Variants in SPOCK1 observed in about 807,000 individuals in gnomAD.
SPOCK1 encodes SPARC (osteonectin), cwcv and kazal like domains proteoglycan 1.
Under a neutral mutation model 55.3 loss-of-function variants are expected in SPOCK1, and 23 were observed. The observed-to-expected ratio is 0.42, with a 90% CI of 0.30 to 0.59. The LOEUF (loss-of-function observed/expected upper bound fraction) is 0.59, where lower values mean the gene tolerates loss of function less well. Ranked by LOEUF, SPOCK1 falls within the 20% of genes least tolerant of loss-of-function variation. The probability of loss-of-function intolerance (pLI) is 0.22; values close to 1 mark genes in which losing one functional copy is unlikely to be tolerated. For synonymous variants in SPOCK1, 226 were observed against 221.0 expected (o/e 1.02, Z -0.20); for missense variants, 499 against 552.5 (o/e 0.90, Z 0.97).
intron 2 of SPOCK1, among the ~76,000 whole-genome samples, chr5:137,317,763 AAG>A (rs1201373217): frequency 6.6e-6 from 1 of 152,194 alleles, no homozygotes; most frequent in African/African-American, 2.4e-5. Flanking sequence ...TTCATGACAA[AAG>A]AGAGAATTCA....
At chr5:137,279,880 T>C (rs1037919183) in intron 2 of SPOCK1, among the ~76,000 whole-genome samples, 12 of 152,076 alleles carry the variant, frequency 7.9e-5, no homozygotes, top group Non-Finnish European at 1.6e-4. Flanking sequence ...TGAAGCATAA[T>C]TAAAACCAAC....
intron 2 of SPOCK1, among the ~76,000 whole-genome samples, chr5:137,345,040 AC>A (rs764202477): frequency 2.0e-5 from 3 of 152,236 alleles, no homozygotes; most frequent in Non-Finnish European, 4.4e-5. Context: ...GTAAGTAGAA[AC>A]ATGGACTAAA....
intron 2 of SPOCK1, among the ~76,000 whole-genome samples, chr5:137,329,916 CCTGT>C (rs980286507): frequency 6.6e-6 from 1 of 152,074 alleles, no homozygotes; most frequent in Non-Finnish European, 1.5e-5. Context: ...CTTTGTAGTT[CCTGT>C]CTCTCATTTA....
chr5:137,140,616 G>C lies in SPOCK1; in HGVS notation c.311C>G (p.Thr104Ser), dbSNP rs1023685389. ...GTGCTTGCGGCTGACACACAGGGCG[G>C]TCTGGTAGTCCTGGGTCACACACAC... ...HKVCVTQDYQTALCVSRKHLL... is the reference protein window; with the variant it reads ...HKVCVTQDYQSALCVSRKHLL... The change falls in exon 4 of 11, where the codon ACC becomes AGC. Residue 104 changes from threonine (T) to serine (S), a missense_variant. This residue lies in a region of SPOCK1 where 386 missense variants were observed against 400.6 expected (regional missense o/e 0.96). Transcript: ENST00000394945. The C allele has an allele frequency of 6.2e-7, 1 of 1,613,834 alleles. No individual in the cohort carries two copies. The highest frequency in any genetic ancestry group is 1.3e-5 in the African/African-American group (1 of 74,902).
intron 3 of SPOCK1, among the ~76,000 whole-genome samples, chr5:137,259,374 C>G (rs570183259): frequency 6.6e-6 from 1 of 152,228 alleles, no homozygotes; most frequent in East Asian, 1.9e-4. Context: ...TCATTCTCAG[C>G]AAACTAACAC....
rs147786198 is a variant in SPOCK1, at chr5:137,233,660, A to G, written c.232+33350T>C. Among the ~76,000 whole-genome samples the G allele has an allele frequency of 3.4e-3, 513 of 150,626 alleles. 3 individuals are homozygous for G. Among genetic ancestry groups the G allele is most frequent in the African/African-American group, 0.011 (466 of 40,828 alleles). ...ATTTCTTTTTCTTTGGAGTAATTATACATGATATTAACTTCAATTTTCACA... is the reference window on the plus strand; with the variant it reads ...ATTTCTTTTTCTTTGGAGTAATTATGCATGATATTAACTTCAATTTTCACA... On this transcript the variant is annotated intron_variant, in intron 3 of 10. Transcript: ENST00000394945.
intron 6 of SPOCK1, among the ~76,000 whole-genome samples, chr5:137,025,374 C>T (rs1162623582): frequency 2.0e-5 from 3 of 152,092 alleles, no homozygotes; most frequent in Non-Finnish European, 4.4e-5. Flanking sequence ...TAACAGCAAG[C>T]CAGCAACAGT....
At chr5:136,981,871 C>T (rs984401616) in intron 9 of SPOCK1, among the ~76,000 whole-genome samples, 1 of 152,136 alleles carries the variant, frequency 6.6e-6, no homozygotes, top group Non-Finnish European at 1.5e-5. Context: ...AGTTCTATTC[C>T]ATTTTAAGTT....
intron 2 of SPOCK1, among the ~76,000 whole-genome samples, chr5:137,274,098 C>A (rs1342556670): frequency 2.0e-5 from 3 of 152,110 alleles, no homozygotes; most frequent in Non-Finnish European, 4.4e-5. Context: ...GAGGTTTATT[C>A]CCCAAAATAT....
At chr5:137,192,399 C>A (rs550450687) in intron 3 of SPOCK1, among the ~76,000 whole-genome samples, 1 of 152,070 alleles carries the variant, frequency 6.6e-6, no homozygotes, top group African/African-American at 2.4e-5. Context: ...AAGTTCAACA[C>A]GGCAGAGTCG....
At chr5:137,061,163 G>A (rs772760799) in intron 6 of SPOCK1, among the ~76,000 whole-genome samples, 6 of 152,062 alleles carry the variant, frequency 3.9e-5, no homozygotes, top group Non-Finnish European at 8.8e-5. Context: ...CTTACACAAC[G>A]GGCATTAAAC....
rs549223008 is a variant in SPOCK1, at chr5:137,268,461, AAC to A, written c.187-1408_187-1407del. 1.1e-3 allele frequency among the ~76,000 whole-genome samples: 170 copies of A among 152,336 alleles called. 4 individuals are homozygous for A. The Middle Eastern group carries it at 0.014, about 12-fold the overall frequency. The stretch of plus-strand genomic sequence containing the variant: ...ATGAAATATCACTAAGGAAATTTAA[AAC>A]AGTCTCTCTGCAATATCTTTCCCCA... On this transcript the variant is annotated intron_variant, in intron 2 of 10. Transcript: ENST00000394945.
chr5:137,230,234 C>A (rs892320414), intron 3 of SPOCK1, among the ~76,000 whole-genome samples: 1 of 152,336 alleles, frequency 6.6e-6, no homozygotes, highest in African/African-American at 2.4e-5. Flanking sequence ...TGTGCAAGAG[C>A]CTTGTCTCAA....
At chr5:137,064,076 G>C (rs1202576968) in intron 6 of SPOCK1, among the ~76,000 whole-genome samples, 1 of 152,134 alleles carries the variant, frequency 6.6e-6, no homozygotes, top group Non-Finnish European at 1.5e-5. Flanking sequence ...TAGTGGACAA[G>C]GTGAGTACAG....
At chr5:137,434,414 A>G (rs985740144) in intron 2 of SPOCK1, among the ~76,000 whole-genome samples, 1 of 151,274 alleles carries the variant, frequency 6.6e-6, no homozygotes, top group Non-Finnish European at 1.5e-5. Flanking sequence ...TTAGATCTCA[A>G]GGAAGTAGGT....
At chr5:137,185,519 C>T (rs906467513) in intron 3 of SPOCK1, among the ~76,000 whole-genome samples, 3 of 152,182 alleles carry the variant, frequency 2.0e-5, no homozygotes. Flanking sequence ...GAAATAGAAA[C>T]GGACGAATTA....
chr5:137,464,610 A>G (rs1753561375), intron 2 of SPOCK1, among the ~76,000 whole-genome samples: 1 of 152,058 alleles, frequency 6.6e-6, no homozygotes, highest in African/African-American at 2.4e-5. Flanking sequence ...GGTGGTAGAT[A>G]GCAACAGCCT....
At chr5:137,012,995 A>G (rs1404125065) in intron 6 of SPOCK1, among the ~76,000 whole-genome samples, 1 of 152,212 alleles carries the variant, frequency 6.6e-6, no homozygotes, top group Non-Finnish European at 1.5e-5. Context: ...AGCATCTATG[A>G]TTTGACCCCA....
At chr5:137,093,761 C>G (rs891745418) in intron 5 of SPOCK1, among the ~76,000 whole-genome samples, 3 of 152,122 alleles carry the variant, frequency 2.0e-5, no homozygotes, top group African/African-American at 7.2e-5. Flanking sequence ...TGATATGAAA[C>G]GAGCTCAGCA....
Sources: allele counts gnomAD v4.1 joint callset (sites outside exome capture counted in the v4.1 genomes callset), GRCh38; gene constraint gnomAD v4.1.1; regional missense constraint gnomAD v4.1.1; transcripts MANE v1.5; gene names NCBI Gene and HGNC (gene_info 2026-07-23, HGNC 2026-07-21).